Variants in SESN3 observed in about 807,000 individuals in gnomAD.
The protein encoded by SESN3 is sestrin-3.
A neutral mutation model predicts 55.3 loss-of-function variants in SESN3; 21 were observed. That is an observed-to-expected ratio of 0.38 (90% CI 0.27 to 0.55). SESN3 has a LOEUF of 0.55. Ranked by LOEUF, SESN3 falls within the 20% of genes least tolerant of loss-of-function variation. SESN3 has a pLI of 0.76. For missense variants in SESN3, 408 were observed against 604.3 expected (o/e 0.68, Z 3.41); for synonymous variants, 181 against 203.1 (o/e 0.89, Z 0.93).
chr11:95,177,453 G>A (rs972509403), intron 8 of SESN3, among the ~76,000 whole-genome samples: 4 of 151,860 alleles, frequency 2.6e-5, no homozygotes, highest in Non-Finnish European at 4.4e-5. Context: ...CTCAAATTTG[G>A]TCTAATTCTA....
In SESN3 at chr11:95,168,759, A is replaced by G. The variant is rs886813916; in HGVS notation, c.*4496T>C. On this transcript the variant is annotated 3_prime_UTR_variant, in exon 10 of 10. Transcript: ENST00000536441. Reference sequence around the variant, plus strand: ...ATGAATGGAGAAAAAGTAACTCAGGAAAGTAAATGCTGGTGACTTATCAGC... The same window carrying G: ...ATGAATGGAGAAAAAGTAACTCAGGGAAGTAAATGCTGGTGACTTATCAGC... 1.3e-5 allele frequency: 2 copies of G among 152,434 alleles called. No individual in the cohort carries two copies. The highest frequency in any genetic ancestry group is 4.8e-5 in the African/African-American group (2 of 41,462). 9.4% of individuals were successfully genotyped at this position (152,434 alleles called of 1,614,324 possible).
intron 1 of SESN3, among the ~76,000 whole-genome samples, chr11:95,194,780 G>A (rs1388471596): frequency 6.6e-6 from 1 of 151,762 alleles, no homozygotes; most frequent in Non-Finnish European, 1.5e-5. Flanking sequence ...AAAATAACAG[G>A]TTTCTTCCTT....
intron 1 of SESN3, among the ~76,000 whole-genome samples, chr11:95,194,129 T>A (rs983876802): frequency 6.6e-6 from 1 of 152,138 alleles, no homozygotes; most frequent in Non-Finnish European, 1.5e-5. Flanking sequence ...ATGGTATGTC[T>A]GAATGCTGAT....
chr11:95,177,681 C>A, intron 8 of SESN3, 38 bp downstream of exon 8: 1 of 1,514,734 alleles, frequency 6.6e-7, no homozygotes, highest in Non-Finnish European at 9.0e-7. Flanking sequence ...TGAATTTTCA[C>A]TTAGAAATGT....
At chr11:95,205,458 C>T (rs1167333026) in intron 1 of SESN3, among the ~76,000 whole-genome samples, 1 of 152,052 alleles carries the variant, frequency 6.6e-6, no homozygotes, top group Non-Finnish European at 1.5e-5. Context: ...AGCTAGTTAG[C>T]AGACTAAACA....
chr11:95,186,194 CTGTGTG>C (rs35466696), intron 4 of SESN3, among the ~76,000 whole-genome samples: 6,236 of 107,582 alleles, frequency 0.058, 267 homozygotes, highest in Admixed American at 0.16. Flanking sequence ...CTATCTCTCA[CTGTGTG>C]TGTGTGTGTG....
At chr11:95,208,958 A>AT (rs1860599387) in intron 1 of SESN3, among the ~76,000 whole-genome samples, 2 of 151,670 alleles carry the variant, frequency 1.3e-5, no homozygotes, top group Non-Finnish European at 2.9e-5. Context: ...ACCTAAAACC[A>AT]TAAAAACCCT....
At chr11:95,202,814 A>G (rs1367891978) in intron 1 of SESN3, among the ~76,000 whole-genome samples, 1 of 152,090 alleles carries the variant, frequency 6.6e-6, no homozygotes, top group Admixed American at 6.6e-5. Flanking sequence ...TGGTCCCAAA[A>G]AAGTATTAAG....
At chr11:95,210,334 C>G (rs549253470) in intron 1 of SESN3, among the ~76,000 whole-genome samples, 1 of 152,172 alleles carries the variant, frequency 6.6e-6, no homozygotes, top group Non-Finnish European at 1.5e-5. Context: ...GTTCTTCTTG[C>G]ACATGTATCC....
intron 1 of SESN3, among the ~76,000 whole-genome samples, chr11:95,223,804 T>C (rs1860901696): frequency 6.6e-6 from 1 of 151,982 alleles, no homozygotes; most frequent in Admixed American, 6.6e-5. Flanking sequence ...CCTTCATAAA[T>C]GTCTTGGTCC....
upstream of SESN3, chr11:95,232,023 C>T (rs1861080186): frequency 6.6e-6 from 1 of 152,206 alleles, no homozygotes; most frequent in South Asian, 2.1e-4. Context: ...CACTAAAAGG[C>T]CAAAGGGGCT....
At position 95,230,595 on chromosome 11, in the gene SESN3, G is replaced by T; in HGVS notation, c.78+188C>A. 1.8e-6 allele frequency: 1 copy of T among 550,974 alleles called. No individual in the cohort carries two copies. Among genetic ancestry groups the T allele is most frequent in the Non-Finnish European group, 3.2e-6 (1 of 315,360 alleles). 34.1% of individuals were successfully genotyped at this position (550,974 alleles called of 1,614,324 possible). On this transcript the variant is annotated intron_variant, in intron 1 of 9. Transcript: ENST00000536441. This position sits in a 1 kb window ranked among gnomAD's most constrained non-coding sequence, Gnocchi z 4.6. ...CTCCAGACTTGGGTCTGTCCCGGCG[G>T]AAATAAAAAGCCGCAGTAGTCCAAA... is the stretch of plus-strand genomic sequence containing the variant.
At chr11:95,181,416 C>T (rs895254681) in intron 6 of SESN3, among the ~76,000 whole-genome samples, 9 of 151,950 alleles carry the variant, frequency 5.9e-5, no homozygotes, top group African/African-American at 2.2e-4. Flanking sequence ...TACTTTTTTC[C>T]TAAATTTATC....
chr11:95,220,913 G>C (rs1299024140), intron 1 of SESN3, among the ~76,000 whole-genome samples: 2 of 152,182 alleles, frequency 1.3e-5, no homozygotes, highest in East Asian at 3.8e-4. Flanking sequence ...TGTGATGCTT[G>C]AATGTGATAA....
At position 95,195,314 on chromosome 11, in the gene SESN3, AT is replaced by A. The variant is rs529617155; in HGVS notation, c.79-1793del. Reference sequence around the variant, plus strand: ...CAGGTGAGATTTAAATCTGAAAAAAATATTTTCATTATAAATGGAACTGAAA... The same window carrying A: ...CAGGTGAGATTTAAATCTGAAAAAAAATTTTCATTATAAATGGAACTGAAA... On this transcript the variant is annotated intron_variant, in intron 1 of 9. Transcript: ENST00000536441. Among the ~76,000 whole-genome samples the A allele has an allele frequency of 2.8e-4, 42 of 152,302 alleles. No homozygotes were observed. The East Asian group carries it at 7.3e-3, about 27-fold the overall frequency.
chr11:95,230,690 A>C lies in SESN3; in HGVS notation c.78+93T>G. On this transcript the variant is annotated intron_variant, in intron 1 of 9. Coordinates refer to ENST00000536441, the MANE Select transcript of SESN3 (RefSeq NM_144665.4). This position sits in a 1 kb window ranked among gnomAD's most constrained non-coding sequence, Gnocchi z 4.6. ...GGGACGGTGCCCGGGGATCCCTCTC[A>C]GCCTCCCCCAGTGCGCGCCCGGGGA... is the stretch of plus-strand genomic sequence containing the variant. 1 of 876,248 alleles carries C rather than the reference A, an allele frequency of 1.1e-6. No homozygotes were observed. The highest frequency in any genetic ancestry group is 1.8e-6 in the Non-Finnish European group (1 of 555,500). The allele number at this position is 876,248 out of a possible 1,614,324, so 54.3% of individuals were successfully genotyped here.
intron 1 of SESN3, among the ~76,000 whole-genome samples, chr11:95,213,223 C>A (rs1860691539): frequency 6.6e-6 from 1 of 152,040 alleles, no homozygotes; most frequent in Admixed American, 6.6e-5. Context: ...AGATCAGTTG[C>A]CCAGTATTCC....
chr11:95,203,284 C>A (rs1215912749), intron 1 of SESN3, among the ~76,000 whole-genome samples: 4 of 152,068 alleles, frequency 2.6e-5, no homozygotes, highest in Admixed American at 2.6e-4. Context: ...ATATTAAATG[C>A]ATTTGATTTC....
chr11:95,181,710 A>G (rs1030080291), intron 6 of SESN3, among the ~76,000 whole-genome samples: 3 of 152,260 alleles, frequency 2.0e-5, no homozygotes, highest in Non-Finnish European at 4.4e-5. Flanking sequence ...ATTTTCTTCA[A>G]AAGACTTGAA....
Sources: gnomAD v4.1 joint callset for allele counts (sites outside exome capture counted in the v4.1 genomes callset) on GRCh38, gnomAD v4.1.1 for gene constraint, Gnocchi (gnomAD v3.1) non-coding constraint, MANE v1.5 for transcripts, NCBI Gene and HGNC (gene_info 2026-07-23, HGNC 2026-07-21) for gene names.